The following KLRD1 variants were observed in gnomAD, a reference collection of about 807,000 sequenced individuals.
KLRD1 encodes the protein natural killer cells antigen CD94.
In KLRD1, 21 loss-of-function variants were observed where a neutral mutation model predicts 22.6. The ratio of observed to expected loss-of-function variants is 0.93; its 90% CI spans 0.66 to 1.34. The LOEUF (loss-of-function observed/expected upper bound fraction) is 1.34. Ranked by LOEUF, KLRD1 falls within the 40% of genes most tolerant of loss-of-function variation. The probability of loss-of-function intolerance (pLI) is 0.00; values close to 1 mark genes in which losing one functional copy is unlikely to be tolerated. For missense variants in KLRD1, 183 were observed against 208.6 expected (o/e 0.88, Z 0.76); for synonymous variants, 59 against 71.1 (o/e 0.83, Z 0.85).
At chr12:10,288,114 G>A (rs1172151079) in intron 1 of KLRD1, among the ~76,000 whole-genome samples, 2 of 150,228 alleles carry the variant, frequency 1.3e-5, no homozygotes, top group Non-Finnish European at 3.0e-5. Context: ...ATGGTGGTGC[G>A]TGCCTGTAAT....
At chr12:10,280,965 A>G (rs539367668) in intron 1 of KLRD1, among the ~76,000 whole-genome samples, 1 of 152,202 alleles carries the variant, frequency 6.6e-6, no homozygotes, top group Non-Finnish European at 1.5e-5. Flanking sequence ...CCTAGATTCT[A>G]TAGTAGGCTG....
At chr12:10,273,190 A>T (rs1043037889) in intron 1 of KLRD1, among the ~76,000 whole-genome samples, 5 of 152,160 alleles carry the variant, frequency 3.3e-5, no homozygotes, top group Admixed American at 6.5e-5. Flanking sequence ...TCTATAATAA[A>T]ATTTTTACAG....
intron 1 of KLRD1, among the ~76,000 whole-genome samples, chr12:10,268,937 G>T (rs1158694385): frequency 5.3e-5 from 8 of 152,092 alleles, no homozygotes; most frequent in Non-Finnish European, 1.2e-4. Flanking sequence ...GATGTATTAT[G>T]TTGGCTCTTT....
At chr12:10,266,425 C>G (rs990302537) in intron 1 of KLRD1, among the ~76,000 whole-genome samples, 3 of 151,966 alleles carry the variant, frequency 2.0e-5, no homozygotes, top group Admixed American at 6.6e-5. Flanking sequence ...GGACATTTTT[C>G]CTACTTATGT....
chr12:10,258,143 A>T (rs868687985), intron 1 of KLRD1, among the ~76,000 whole-genome samples: 1 of 152,192 alleles, frequency 6.6e-6, no homozygotes, highest in Non-Finnish European at 1.5e-5. Flanking sequence ...AGCTTAGGTC[A>T]GTTTTTCCTT....
chr12:10,299,444 C>T (rs1420180075), intron 1 of KLRD1, among the ~76,000 whole-genome samples: 1 of 152,132 alleles, frequency 6.6e-6, no homozygotes. Flanking sequence ...ATAAGTCACA[C>T]AAATGTTTTG....
chr12:10,312,919 A>G (rs188111592), intron 4 of KLRD1, among the ~76,000 whole-genome samples: 2,307 of 151,656 alleles, frequency 0.015, 56 homozygotes, highest in African/African-American at 0.052. Flanking sequence ...CCTGGGAGGC[A>G]GAGCTTGCAG....
At chr12:10,239,583 C>A (rs868660252) in intron 1 of KLRD1, among the ~76,000 whole-genome samples, 1 of 95,158 alleles carries the variant, frequency 1.1e-5, no homozygotes, top group Non-Finnish European at 2.2e-5. Flanking sequence ...TTCTTTCTTT[C>A]TTTTTCTTTC....
At position 10,243,631 on chromosome 12, in the gene KLRD1, A is replaced by AAAAAAAAAAAG. The variant is rs771543645; in HGVS notation, c.-101+17400_-101+17401insAAAAAAAAGAA. Reference sequence around the variant, plus strand: ...CCAAAAAAAAAAAAAAAAAAAAAAAAAACCGAAATGAAAGATATGGAACAA... The same window carrying AAAAAAAAAAAG: ...CCAAAAAAAAAAAAAAAAAAAAAAAAAAAAAAAAAAGAACCGAAATGAAAGATATGGAACAA... On this transcript the variant is annotated intron_variant, in intron 1 of 5. Coordinates refer to the KLRD1 transcript ENST00000544747. 2.0e-3 allele frequency among the ~76,000 whole-genome samples: 242 copies of AAAAAAAAAAAG among 118,750 alleles called. 37 individuals are homozygous for AAAAAAAAAAAG. The highest frequency in any genetic ancestry group is 7.6e-3 in the East Asian group (23 of 3,020). The allele number at this position is 118,750 out of a possible 152,430, so 77.9% of individuals were successfully genotyped here. A position where few individuals can be genotyped will look rare whatever the true frequency, so the allele number is the denominator to read the frequency against.
intron 1 of KLRD1, among the ~76,000 whole-genome samples, chr12:10,274,381 G>A (rs12311695): frequency 0.14 from 20,800 of 152,128 alleles, 2,435 homozygotes; most frequent in African/African-American, 0.31. Flanking sequence ...CATTTATGTA[G>A]TGCAAACATT....
intron 1 of KLRD1, among the ~76,000 whole-genome samples, chr12:10,288,528 C>T (rs539919427): frequency 6.6e-6 from 1 of 152,118 alleles, no homozygotes; most frequent in South Asian, 2.1e-4. Flanking sequence ...CTCAGCTTGA[C>T]CACTGCTTGG....
At chr12:10,260,391 T>C (rs1025688544) in intron 1 of KLRD1, among the ~76,000 whole-genome samples, 52 of 152,330 alleles carry the variant, frequency 3.4e-4, no homozygotes, top group Middle Eastern at 3.4e-3. Flanking sequence ...GTCATTTTAT[T>C]CACCCTGCTG....
At chr12:10,281,946 T>G (rs1949647925) in intron 1 of KLRD1, among the ~76,000 whole-genome samples, 1 of 152,208 alleles carries the variant, frequency 6.6e-6, no homozygotes, top group African/African-American at 2.4e-5. Flanking sequence ...GTTACATAAA[T>G]AGAATTCTGT....
chr12:10,242,511 T>C (rs1949251056), intron 1 of KLRD1, among the ~76,000 whole-genome samples: 1 of 152,168 alleles, frequency 6.6e-6, no homozygotes, highest in African/African-American at 2.4e-5. Flanking sequence ...GGAGTGCAGA[T>C]ATATCTTCAA....
At chr12:10,313,333 C>A (rs1950141975) in intron 4 of KLRD1, 77 bp from the exon 5 acceptor site, 3 of 775,702 alleles carry the variant, frequency 3.9e-6, no homozygotes, top group Non-Finnish European at 6.2e-6. Flanking sequence ...ATTCTAAACA[C>A]TGACTTTCCC....
chr12:10,241,915 C>G (rs10845082), intron 1 of KLRD1, among the ~76,000 whole-genome samples: 1 of 152,176 alleles, frequency 6.6e-6, no homozygotes, highest in African/African-American at 2.4e-5. Context: ...CTGCTTGCAT[C>G]TGAAAGTTCT....
chr12:10,268,948 T>G (rs1322812212), intron 1 of KLRD1, among the ~76,000 whole-genome samples: 1 of 152,202 alleles, frequency 6.6e-6, no homozygotes, highest in Non-Finnish European at 1.5e-5. Flanking sequence ...TTGGCTCTTT[T>G]ATGTAGGACT....
At chr12:10,264,210 A>G (rs1949479323) in intron 1 of KLRD1, among the ~76,000 whole-genome samples, 1 of 152,102 alleles carries the variant, frequency 6.6e-6, no homozygotes, top group Non-Finnish European at 1.5e-5. Context: ...TTTCCCTTCT[A>G]ATTGGTAATT....
At chr12:10,252,954 TAAAAAAA>T (rs11460315) in intron 1 of KLRD1, among the ~76,000 whole-genome samples, 1 of 145,212 alleles carries the variant, frequency 6.9e-6, no homozygotes, top group African/African-American at 2.6e-5. Flanking sequence ...TGGGCAGTTG[TAAAAAAA>T]AAAAAAAAAA....
Sources: allele counts gnomAD v4.1 joint callset (sites outside exome capture counted in the v4.1 genomes callset), GRCh38; gene constraint gnomAD v4.1.1; transcripts MANE v1.5; gene names NCBI Gene and HGNC (gene_info 2026-07-23, HGNC 2026-07-21).